The following NBR1 variants were observed in gnomAD, a reference collection of about 807,000 sequenced individuals.
NBR1 encodes the protein NBR1 autophagy cargo receptor, also known as next to BRCA1 gene 1 protein.
In NBR1, 59 loss-of-function variants were observed where a neutral mutation model predicts 115.5. That is an observed-to-expected ratio of 0.51 (90% CI 0.41 to 0.63). NBR1 has a LOEUF of 0.63. NBR1 is among the 30% of genes least tolerant of loss of function. NBR1 has a pLI of 0.00. For missense variants in NBR1, 1,043 were observed against 1,150.5 expected (o/e 0.91, Z 1.35); for synonymous variants, 373 against 414.7 (o/e 0.90, Z 1.22).
At position 43,200,607 on chromosome 17, in the gene NBR1, A is replaced by G; in HGVS notation, c.2467A>G (p.Arg823Gly). 1 of 1,597,318 alleles carries G rather than the reference A, an allele frequency of 6.3e-7. No homozygotes were observed. The highest frequency in any genetic ancestry group is 8.6e-7 in the Non-Finnish European group (1 of 1,168,202). ...EVVELPPSLP[R>G]SSPCVHHHGS... Reference sequence around the variant, plus strand: ...AGTGGAGCTTCCACCGTCACTGCCCAGGTACCACTCACAGCCCCCTCAGCT... The same window carrying G: ...AGTGGAGCTTCCACCGTCACTGCCCGGGTACCACTCACAGCCCCCTCAGCT... Residue 823 changes from arginine (R) to glycine (G), a missense_variant and splice_region_variant, in exon 17 of 21, where the codon AGG becomes GGG. Physicochemically the swap from Arg to Gly is moderately radical, Grantham distance 125 (BLOSUM62 -2). Transcript: ENST00000590996.
intron 19 of NBR1, 129 bp from the exon 20 acceptor site, chr17:43,203,552 T>C (rs545894537): frequency 1.7e-6 from 1 of 589,338 alleles, no homozygotes; most frequent in Non-Finnish European, 3.1e-6. Context: ...TGAAAGCAAT[T>C]GTGTTCTCTT....
rs879156167 is a variant in NBR1, at chr17:43,175,983, T to G, written c.102+82T>G. 2.8e-5 allele frequency: 23 copies of G among 811,666 alleles called. No individual in the cohort carries two copies. In the South Asian group the frequency reaches 3.8e-4, roughly 13 times the overall value. 50.3% of individuals were successfully genotyped at this position (811,666 alleles called of 1,614,324 possible). A position where few individuals can be genotyped will look rare whatever the true frequency, so the allele number is the denominator to read the frequency against. On this transcript the variant is annotated intron_variant, in intron 2 of 20. Coordinates refer to ENST00000590996, the MANE Select transcript of NBR1 (RefSeq NM_005899.5). ...GGTAGCTATTTTTAGCAGTGTTGTT[T>G]CATAGCTGTGAAGTCTGTCATAGTT... is the stretch of plus-strand genomic sequence containing the variant.
chr17:43,186,451 A>AG lies in NBR1; in HGVS notation c.402+10dup. On this transcript the variant is annotated splice_region_variant and intron_variant, in intron 6 of 20. Coordinates refer to ENST00000590996, the MANE Select transcript of NBR1 (RefSeq NM_005899.5). ...AGAGGATCCTGCAGTGCAGGTATGA[A>AG]GGGTATGGCCCAGTCTATCCAATAT... 6.4e-7 allele frequency: 1 copy of AG among 1,553,976 alleles called. No homozygotes were observed. Among genetic ancestry groups the AG allele is most frequent in the Non-Finnish European group, 8.7e-7 (1 of 1,155,946 alleles).
rs989616340 is a variant in NBR1, at chr17:43,186,126, C to T, written c.208-124C>T. On this transcript the variant is annotated intron_variant, in intron 5 of 20. Transcript: ENST00000590996. ...ACATTTGTTGTTGGATTTAATAAAG[C>T]AAACACAAATCCTAGTATTTTCTAG... 2.6e-5 allele frequency: 20 copies of T among 769,194 alleles called. No individual in the cohort carries two copies. In the African/African-American group the frequency reaches 3.7e-4, roughly 14 times the overall value. 47.6% of individuals were successfully genotyped at this position (769,194 alleles called of 1,614,324 possible). A position where few individuals can be genotyped will look rare whatever the true frequency, so the allele number is the denominator to read the frequency against.
In NBR1 at chr17:43,193,383, C is replaced by T. The variant is rs775285990; in HGVS notation, c.1269C>T (p.Ser423=). 5.0e-6 allele frequency: 8 copies of T among 1,613,892 alleles called. No homozygotes were observed. In the South Asian group the frequency reaches 7.7e-5, roughly 16 times the overall value. ...KFMWGNLTLA[S]TEKKDVLVPC... ...TGTGGGGAAACCTGACTTTGGCTTC[C>T]ACAGAAAAGAAGGATGTTTTGGTTC... The change falls in exon 12 of 21, where the codon TCC becomes TCT. Residue 423 remains serine, a synonymous_variant. Transcript: ENST00000590996.
intron 1 of NBR1, among the ~76,000 whole-genome samples, chr17:43,172,887 G>A (rs1298770091): frequency 6.6e-6 from 1 of 151,714 alleles, no homozygotes; most frequent in African/African-American, 2.4e-5. Context: ...GTGCATTGGC[G>A]CGATCTTGGC....
chr17:43,195,651 CAAAA>C (rs34787155), intron 14 of NBR1: 6 of 115,746 alleles, frequency 5.2e-5, no homozygotes, highest in East Asian at 2.5e-4. Flanking sequence ...AACTCCGTCT[CAAAA>C]AAAAAAAAAA....
At chr17:43,184,964 C>G (rs893254670) in intron 5 of NBR1, among the ~76,000 whole-genome samples, 1 of 151,822 alleles carries the variant, frequency 6.6e-6, no homozygotes, top group African/African-American at 2.4e-5. Context: ...TGGCGTGCGC[C>G]TATAGTCCCA....
At chr17:43,194,690 A>G in intron 13 of NBR1, 191 bp downstream of exon 13, 1 of 695,832 alleles carries the variant, frequency 1.4e-6, no homozygotes, top group Non-Finnish European at 2.4e-6. Context: ...TGAATTGGGA[A>G]CTCAATCCTG....
chr17:43,210,140 T>C lies in NBR1; in HGVS notation c.*66T>C. 1.3e-6 allele frequency: 2 copies of C among 1,482,634 alleles called. No homozygotes were observed. The highest frequency in any genetic ancestry group is 2.0e-5 in the Admixed American group (1 of 49,150). The allele number at this position is 1,482,634 out of a possible 1,614,324, so 91.8% of individuals were successfully genotyped here. On this transcript the variant is annotated 3_prime_UTR_variant, in exon 21 of 21. Coordinates refer to ENST00000590996, the MANE Select transcript of NBR1 (RefSeq NM_005899.5). ...TGATCTTTATTCTGTCATTGGGGTA[T>C]GGGATAGAAGCCCTTGCTTATTTTT...
At chr17:43,177,339 A>G (rs2056543039) in intron 2 of NBR1, among the ~76,000 whole-genome samples, 1 of 148,836 alleles carries the variant, frequency 6.7e-6, no homozygotes, top group South Asian at 2.1e-4. Context: ...GGAGATATCC[A>G]TCTATACACA....
intron 8 of NBR1, chr17:43,190,085 C>A: frequency 2.7e-6 from 1 of 368,286 alleles, no homozygotes; most frequent in Non-Finnish European, 4.9e-6. Flanking sequence ...CTCGGTTGTT[C>A]CAAATGCCTT....
intron 10 of NBR1, 65 bp downstream of exon 10, chr17:43,191,646 C>T: frequency 9.3e-7 from 1 of 1,069,580 alleles, no homozygotes; most frequent in Non-Finnish European, 1.4e-6. Flanking sequence ...GGAACTTCAA[C>T]CAATTTCCGT....
At chr17:43,188,877 G>A (rs568925403) in intron 6 of NBR1, among the ~76,000 whole-genome samples, 165 bp from the exon 7 acceptor site, 7 of 152,212 alleles carry the variant, frequency 4.6e-5, no homozygotes, top group Non-Finnish European at 1.0e-4. Context: ...AAGGGGAGCA[G>A]GCTAGAGACT....
intron 1 of NBR1, among the ~76,000 whole-genome samples, 180 bp downstream of exon 1, chr17:43,171,482 G>T (rs2056366793): frequency 6.6e-6 from 1 of 152,228 alleles, no homozygotes; most frequent in African/African-American, 2.4e-5. Flanking sequence ...GAGTTGGCGA[G>T]AAGCGCCGGA....
At chr17:43,184,927 A>G (rs1378848633) in intron 5 of NBR1, among the ~76,000 whole-genome samples, 1 of 151,754 alleles carries the variant, frequency 6.6e-6, no homozygotes, top group East Asian at 2.0e-4. Flanking sequence ...CATCTCTACT[A>G]AAAATACAAA....
At chr17:43,177,823 T>C in intron 2 of NBR1, 113 bp from the exon 3 acceptor site, 1 of 929,914 alleles carries the variant, frequency 1.1e-6, no homozygotes, top group Non-Finnish European at 1.5e-6. Context: ...TATTAACCCT[T>C]TGTTATGGGT....
intron 20 of NBR1, chr17:43,209,590 G>A (rs139972303): frequency 1.3e-6 from 2 of 1,535,260 alleles, no homozygotes; most frequent in Non-Finnish European, 1.7e-6. Flanking sequence ...CCTTCATCTG[G>A]CCAAAAAATG....
chr17:43,173,062 G>A (rs1394512872), intron 1 of NBR1, among the ~76,000 whole-genome samples: 3 of 152,058 alleles, frequency 2.0e-5, no homozygotes, highest in South Asian at 2.1e-4. Context: ...TCCTGACCTC[G>A]TGATCCACCC....
Sources: gnomAD v4.1 joint callset for allele counts (sites outside exome capture counted in the v4.1 genomes callset) on GRCh38, gnomAD v4.1.1 for gene constraint, MANE v1.5 for transcripts, NCBI Gene and HGNC (gene_info 2026-07-23, HGNC 2026-07-21) for gene names.